The following SPON1 variants were observed in gnomAD, a reference collection of about 807,000 sequenced individuals.
SPON1 encodes spondin 1.
Under a neutral mutation model 111.7 loss-of-function variants are expected in SPON1, and 52 were observed. That is an observed-to-expected ratio of 0.47 (90% CI 0.37 to 0.59). The LOEUF (loss-of-function observed/expected upper bound fraction) is 0.59. SPON1 is among the 20% of genes least tolerant of loss of function. The pLI, the probability that SPON1 is intolerant of heterozygous loss-of-function variation, is 0.00. For synonymous variants in SPON1, 410 were observed against 395.8 expected (o/e 1.04, Z -0.43); for missense variants, 957 against 1,068.5 (o/e 0.90, Z 1.46).
rs868931151 is a variant in SPON1, at chr11:13,969,222, A to C, written c.238+6080A>C. Reference sequence around the variant, plus strand: ...TGGCAAAACCCATCTCTACAAAAAAAAAAAAAAAAAAAAATTAGCTGGCTG... The same window carrying C: ...TGGCAAAACCCATCTCTACAAAAAACAAAAAAAAAAAAAATTAGCTGGCTG... On this transcript the variant is annotated intron_variant, in intron 1 of 15. Coordinates refer to ENST00000576479, the MANE Select transcript of SPON1 (RefSeq NM_006108.4). Among the ~76,000 whole-genome samples the C allele has an allele frequency of 1.0e-2, 1,345 of 134,982 alleles. 21 individuals carry two copies. Among genetic ancestry groups the C allele is most frequent in the African/African-American group, 0.049 (1,274 of 25,980 alleles). The allele number at this position is 134,982 out of a possible 152,430, so 88.6% of individuals were successfully genotyped here.
At chr11:14,041,405 G>A in intron 2 of SPON1, 116 bp from the exon 3 acceptor site, 1 of 1,250,306 alleles carries the variant, frequency 8.0e-7, no homozygotes, top group South Asian at 1.4e-5. Context: ...GGGATACAGA[G>A]TTGCTAACAT....
At chr11:14,097,978 A>AT (rs559800587) in intron 5 of SPON1, among the ~76,000 whole-genome samples, 71 of 152,130 alleles carry the variant, frequency 4.7e-4, no homozygotes, top group Non-Finnish European at 9.3e-4. Context: ...TACACTTCTA[A>AT]TTTTTTTAAT....
Position 14,199,747 on chromosome 11 carries a change from T to C in SPON1, c.826-43585T>C, listed in dbSNP as rs142827701. ...ATATGTATGTGCATTCAGAGGTTCA[T>C]TCGCTCATGCACGGTTCTGAGCATG... is the stretch of plus-strand genomic sequence containing the variant. On this transcript the variant is annotated intron_variant, in intron 6 of 15. Coordinates refer to ENST00000576479, the MANE Select transcript of SPON1 (RefSeq NM_006108.4). Among the ~76,000 whole-genome samples, 25 of 152,372 alleles carry C rather than the reference T, an allele frequency of 1.6e-4. No homozygotes were observed. In the East Asian group the frequency reaches 4.8e-3, roughly 29 times the overall value.
In SPON1 at chr11:14,259,575, G is replaced by C. The variant is rs968921467; in HGVS notation, c.1705G>C (p.Glu569Gln). ...CLMTEWGEWD[E>Q]CSATCGMGMK... is the part of the protein sequence containing the mutation. ...GATGACCGAGTGGGGCGAGTGGGAC[G>C]AGTGCAGCGCCACCTGCGGCATGGG... Residue 569 changes from glutamate (E) to glutamine (Q), a missense_variant, in exon 13 of 16, where the codon GAG becomes CAG. Glu to Gln is a conservative substitution (Grantham distance 29, BLOSUM62 2). Transcript: ENST00000576479. This position sits in a 1 kb window ranked among gnomAD's most constrained non-coding sequence, Gnocchi z 5.0. 3.2e-6 allele frequency: 5 copies of C among 1,553,458 alleles called. No individual in the cohort carries two copies. The East Asian group carries it at 1.2e-4, about 38-fold the overall frequency.
chr11:14,015,333 G>A (rs1848437038), intron 2 of SPON1, among the ~76,000 whole-genome samples: 1 of 152,168 alleles, frequency 6.6e-6, no homozygotes, highest in Non-Finnish European at 1.5e-5. Context: ...ATGCTCTGGA[G>A]GGGACAAGCA....
At chr11:14,190,638 CTTTTTCTTTTTT>C (rs1451830530) in intron 6 of SPON1, among the ~76,000 whole-genome samples, 1 of 134,598 alleles carries the variant, frequency 7.4e-6, no homozygotes. Context: ...TTTTCTTTTT[CTTTTTCTTTTTT>C]TTTTTTTTGA....
intron 2 of SPON1, among the ~76,000 whole-genome samples, chr11:14,017,878 C>T (rs1241180966): frequency 6.6e-6 from 1 of 152,144 alleles, no homozygotes; most frequent in Non-Finnish European, 1.5e-5. Flanking sequence ...TATTTTTAGG[C>T]CCCTTGTGTT....
At chr11:14,079,525 G>C (rs571561311) in intron 4 of SPON1, among the ~76,000 whole-genome samples, 2 of 152,134 alleles carry the variant, frequency 1.3e-5, no homozygotes, top group East Asian at 3.9e-4. Flanking sequence ...AAATTTGTTA[G>C]AGAAATCCTG....
intron 6 of SPON1, among the ~76,000 whole-genome samples, chr11:14,198,314 G>A (rs987923206): frequency 6.6e-6 from 1 of 152,164 alleles, no homozygotes; most frequent in Admixed American, 6.5e-5. Context: ...CCAAATGCAG[G>A]TGCCTGGAGG....
At chr11:14,037,290 T>G (rs781901563) in intron 2 of SPON1, among the ~76,000 whole-genome samples, 1 of 152,026 alleles carries the variant, frequency 6.6e-6, no homozygotes, top group African/African-American at 2.4e-5. Flanking sequence ...GGAGCACAAG[T>G]TGAATCCAGA....
chr11:14,144,662 A>AATAATT (rs1442324116), intron 6 of SPON1, among the ~76,000 whole-genome samples: 2 of 149,204 alleles, frequency 1.3e-5, no homozygotes, highest in African/African-American at 2.5e-5. Flanking sequence ...TAATAATAAT[A>AATAATT]ATAATAATGA....
At chr11:14,148,126 A>G (rs1333954160) in intron 6 of SPON1, among the ~76,000 whole-genome samples, 4 of 152,220 alleles carry the variant, frequency 2.6e-5, no homozygotes, top group African/African-American at 9.6e-5. Flanking sequence ...TTTATTGGAC[A>G]TTGTAACACA....
intron 6 of SPON1, among the ~76,000 whole-genome samples, chr11:14,144,327 A>T (rs1480033240): frequency 6.6e-6 from 1 of 152,076 alleles, no homozygotes; most frequent in Non-Finnish European, 1.5e-5. Context: ...GGGAGAAAGA[A>T]AGATCCAAAG....
chr11:13,994,842 G>A (rs2133789223), intron 2 of SPON1, among the ~76,000 whole-genome samples: 1 of 152,312 alleles, frequency 6.6e-6, no homozygotes, highest in East Asian at 1.9e-4. Flanking sequence ...ATAGTGGCCA[G>A]AACACAGGAT....
intron 6 of SPON1, among the ~76,000 whole-genome samples, chr11:14,203,509 A>G (rs1273369520): frequency 6.6e-6 from 1 of 152,248 alleles, no homozygotes; most frequent in Admixed American, 6.5e-5. Context: ...TCGTACATCA[A>G]GATGTCCATT....
intron 5 of SPON1, among the ~76,000 whole-genome samples, chr11:14,132,003 G>A (rs1258995012): frequency 1.3e-5 from 2 of 152,220 alleles, no homozygotes; most frequent in Non-Finnish European, 2.9e-5. Context: ...ATTAGGTCGG[G>A]CGCAGTGGCT....
At chr11:14,221,187 T>C (rs954940547) in intron 6 of SPON1, among the ~76,000 whole-genome samples, 5 of 152,200 alleles carry the variant, frequency 3.3e-5, no homozygotes, top group Non-Finnish European at 7.3e-5. Context: ...TGAATGGTGA[T>C]AGATCATGGA....
intron 4 of SPON1, among the ~76,000 whole-genome samples, chr11:14,075,969 A>G (rs1235338942): frequency 1.3e-5 from 2 of 152,200 alleles, no homozygotes; most frequent in East Asian, 1.9e-4. Context: ...AACAAAGCTC[A>G]TGGAGGCTAA....
intron 2 of SPON1, among the ~76,000 whole-genome samples, chr11:14,025,240 G>T (rs1328207774): frequency 2.6e-5 from 4 of 152,212 alleles, no homozygotes; most frequent in African/African-American, 9.6e-5. Context: ...ACTCTTCTGA[G>T]ACTACCATGG....
Sources: gnomAD v4.1 joint callset for allele counts (sites outside exome capture counted in the v4.1 genomes callset) on GRCh38, gnomAD v4.1.1 for gene constraint, Gnocchi (gnomAD v3.1) non-coding constraint, MANE v1.5 for transcripts, NCBI Gene and HGNC (gene_info 2026-07-23, HGNC 2026-07-21) for gene names.